The following GHR variants were observed in gnomAD, a reference collection of about 807,000 sequenced individuals.
GHR encodes the protein growth hormone receptor.
GHR carries 35 observed loss-of-function variants against 67.1 expected under a neutral mutation model. That is an observed-to-expected ratio of 0.52 (90% CI 0.40 to 0.69). The LOEUF (loss-of-function observed/expected upper bound fraction) is 0.69, where lower values mean the gene tolerates loss of function less well. Ranked by LOEUF, GHR falls within the 30% of genes least tolerant of loss-of-function variation. The pLI is 0.00. For synonymous variants in GHR, 272 were observed against 269.1 expected (o/e 1.01, Z -0.10); for missense variants, 792 against 764.6 (o/e 1.04, Z -0.42).
chr5:42,614,559 A>ATT lies in GHR; in HGVS notation c.71-14448_71-14447dup, dbSNP rs553365880. 3.0e-3 allele frequency among the ~76,000 whole-genome samples: 196 copies of ATT among 65,410 alleles called. 10 individuals are homozygous for ATT. Among genetic ancestry groups the ATT allele is most frequent in the African/African-American group, 8.0e-3 (126 of 15,844 alleles). 42.9% of individuals were successfully genotyped at this position (65,410 alleles called of 152,430 possible). A position where few individuals can be genotyped will look rare whatever the true frequency, so the allele number is the denominator to read the frequency against. The stretch of plus-strand genomic sequence containing the variant: ...GCAAGCTTTATAGGCCATAGAGGAC[A>ATT]TTTTTTTTTTTTTTTTTTTTTTTTT... On this transcript the variant is annotated intron_variant, in intron 2 of 9. Coordinates refer to ENST00000230882, the MANE Select transcript of GHR (RefSeq NM_000163.5).
chr5:42,524,509 G>A (rs886899164), intron 1 of GHR, among the ~76,000 whole-genome samples: 1 of 152,148 alleles, frequency 6.6e-6, no homozygotes, highest in Non-Finnish European at 1.5e-5. Flanking sequence ...GGGAAACAGA[G>A]CATAAAAGTT....
At chr5:42,625,291 T>C (rs997920636) in intron 2 of GHR, among the ~76,000 whole-genome samples, 1 of 152,124 alleles carries the variant, frequency 6.6e-6, no homozygotes, top group Admixed American at 6.5e-5. Context: ...ATTGTTACTG[T>C]GGGTTTCTAT....
At chr5:42,590,268 T>A (rs776612993) in intron 2 of GHR, among the ~76,000 whole-genome samples, 2 of 152,186 alleles carry the variant, frequency 1.3e-5, no homozygotes, top group Non-Finnish European at 2.9e-5. Flanking sequence ...TCAAATGTAG[T>A]GTTTCAAAAT....
intron 6 of GHR, among the ~76,000 whole-genome samples, chr5:42,708,333 T>C (rs1758282725): frequency 6.6e-6 from 1 of 152,146 alleles, no homozygotes; most frequent in Non-Finnish European, 1.5e-5. Flanking sequence ...GAAGCAGTTA[T>C]AAAAATACAG....
intron 1 of GHR, among the ~76,000 whole-genome samples, chr5:42,488,572 G>T (rs1005667607): frequency 4.6e-5 from 7 of 152,010 alleles, no homozygotes; most frequent in African/African-American, 1.7e-4. Flanking sequence ...ACCTTGGCAG[G>T]GTTTTGATTG....
At chr5:42,568,773 G>T (rs1298724105) in intron 2 of GHR, among the ~76,000 whole-genome samples, 1 of 152,148 alleles carries the variant, frequency 6.6e-6, no homozygotes, top group Non-Finnish European at 1.5e-5. Flanking sequence ...GTGATGAAGA[G>T]AAATGGTCAA....
At chr5:42,473,453 G>A (rs13188386) in intron 1 of GHR, among the ~76,000 whole-genome samples, 40,969 of 152,032 alleles carry the variant, frequency 0.27, 5,978 homozygotes, top group African/African-American at 0.32. Flanking sequence ...TATATAGCAG[G>A]ACATTACCAG....
At chr5:42,516,115 C>T (rs927885498) in intron 1 of GHR, among the ~76,000 whole-genome samples, 7 of 152,104 alleles carry the variant, frequency 4.6e-5, no homozygotes, top group African/African-American at 1.7e-4. Context: ...TTGGCATTTG[C>T]TCCTGACTTT....
At chr5:42,486,643 C>T (rs559403284) in intron 1 of GHR, among the ~76,000 whole-genome samples, 11 of 152,156 alleles carry the variant, frequency 7.2e-5, no homozygotes, top group Admixed American at 3.3e-4. Flanking sequence ...GTCAGGAGAT[C>T]GAGACCATCC....
chr5:42,513,287 G>A (rs1401620035), intron 1 of GHR, among the ~76,000 whole-genome samples: 1 of 152,096 alleles, frequency 6.6e-6, no homozygotes. Flanking sequence ...CATCTCCTAG[G>A]GCTATAATAG....
chr5:42,484,900 G>A (rs6870962), intron 1 of GHR, among the ~76,000 whole-genome samples: 4,464 of 152,226 alleles, frequency 0.029, 214 homozygotes, highest in African/African-American at 0.1. Flanking sequence ...AGAAGTACCC[G>A]TAATATCCAT....
In GHR at chr5:42,678,505, C is replaced by A. The variant is rs528715041; in HGVS notation, c.137-10385C>A. On this transcript the variant is annotated intron_variant, in intron 3 of 9. Coordinates refer to ENST00000230882, the MANE Select transcript of GHR (RefSeq NM_000163.5). ...ACTAGGATAATCCCTGATCGCCATGCTGTCATAAAAAAACGTTAAATGATG... is the reference window on the plus strand; with the variant it reads ...ACTAGGATAATCCCTGATCGCCATGATGTCATAAAAAAACGTTAAATGATG... 3.3e-5 allele frequency among the ~76,000 whole-genome samples: 5 copies of A among 152,020 alleles called. No homozygotes were observed. The South Asian group carries it at 1.0e-3, about 32-fold the overall frequency.
chr5:42,565,429 T>C, intron 1 of GHR: 1 of 983,022 alleles, frequency 1.0e-6, no homozygotes, highest in Non-Finnish European at 1.2e-6. Context: ...AATGTTACTA[T>C]TACCATGATT....
intron 1 of GHR, among the ~76,000 whole-genome samples, chr5:42,494,515 A>T (rs1357229898): frequency 6.6e-6 from 1 of 152,116 alleles, no homozygotes; most frequent in Non-Finnish European, 1.5e-5. Flanking sequence ...TATCCAGAAG[A>T]CACACCATCT....
chr5:42,457,433 G>A (rs917378787), intron 1 of GHR, among the ~76,000 whole-genome samples: 2 of 152,082 alleles, frequency 1.3e-5, no homozygotes, highest in Non-Finnish European at 2.9e-5. Context: ...ACTTTAATGT[G>A]CCAGCAGTGT....
chr5:42,648,297 T>C (rs570226447), intron 3 of GHR, among the ~76,000 whole-genome samples: 1 of 152,280 alleles, frequency 6.6e-6, no homozygotes, highest in South Asian at 2.1e-4. Context: ...GACAGGAAAT[T>C]GTGGGTTACA....
chr5:42,440,183 C>A (rs911913544), intron 1 of GHR, among the ~76,000 whole-genome samples: 9 of 152,202 alleles, frequency 5.9e-5, no homozygotes, highest in Non-Finnish European at 1.0e-4. Flanking sequence ...GTATAATAAG[C>A]AACCCAGAAA....
intron 1 of GHR, among the ~76,000 whole-genome samples, chr5:42,426,860 G>A (rs868604375): frequency 1.3e-5 from 2 of 152,120 alleles, no homozygotes; most frequent in African/African-American, 2.4e-5. Flanking sequence ...ATTATCTGGT[G>A]CATGAACCTC....
chr5:42,430,828 A>G (rs1455391272), intron 1 of GHR, among the ~76,000 whole-genome samples: 1 of 152,136 alleles, frequency 6.6e-6, no homozygotes, highest in Admixed American at 6.5e-5. Context: ...CAAGAGACCC[A>G]TTGGCAAGTA....
Sources: allele counts gnomAD v4.1 joint callset (sites outside exome capture counted in the v4.1 genomes callset), GRCh38; gene constraint gnomAD v4.1.1; transcripts MANE v1.5; gene names NCBI Gene and HGNC (gene_info 2026-07-23, HGNC 2026-07-21).